Variants in CUBN observed in about 807,000 individuals in gnomAD.
CUBN encodes the protein cubilin.
In CUBN, 282 loss-of-function variants were observed where a neutral mutation model predicts 405.3. The ratio of observed to expected loss-of-function variants is 0.70; its 90% confidence interval spans 0.63 to 0.77. The LOEUF (loss-of-function observed/expected upper bound fraction) is 0.77, where lower values mean the gene tolerates loss of function less well. Ranked by LOEUF, CUBN falls within the 30% of genes least tolerant of loss-of-function variation. The pLI is 0.00. For synonymous variants in CUBN, 1,684 were observed against 1,617.0 expected (o/e 1.04, Z -0.99); for missense variants, 4,514 against 4,475.2 (o/e 1.01, Z -0.25).
At chr10:16,829,978 C>T (rs910937120) in intron 65 of CUBN, among the ~76,000 whole-genome samples, 1 of 151,886 alleles carries the variant, frequency 6.6e-6, no homozygotes, top group Non-Finnish European at 1.5e-5. Flanking sequence ...CTCCGTCACC[C>T]AGGCTGGAGT....
At chr10:16,918,583 C>A (rs780531598) in intron 45 of CUBN, 39 bp downstream of exon 45, 5 of 1,490,328 alleles carry the variant, frequency 3.4e-6, no homozygotes, top group Non-Finnish European at 4.6e-6. Context: ...TGCACATGTA[C>A]CCCTGAACCT....
chr10:17,051,307 G>A (rs979155723), intron 22 of CUBN, among the ~76,000 whole-genome samples: 7 of 152,096 alleles, frequency 4.6e-5, no homozygotes, highest in African/African-American at 1.7e-4. Flanking sequence ...CTTGCGGTGA[G>A]CCGAGATCAT....
At chr10:16,953,731 G>C (rs1346533420) in intron 32 of CUBN, among the ~76,000 whole-genome samples, 1 of 152,010 alleles carries the variant, frequency 6.6e-6, no homozygotes, top group Non-Finnish European at 1.5e-5. Flanking sequence ...TGCACCTATA[G>C]TCCCAGCTAC....
chr10:16,928,412 C>G, intron 40 of CUBN, 109 bp from the exon 41 acceptor site: 1 of 1,178,176 alleles, frequency 8.5e-7, no homozygotes, highest in East Asian at 2.4e-5. Flanking sequence ...AACATCAGGA[C>G]TCGTAGGAGA....
chr10:17,067,328 C>A (rs1300212260), intron 21 of CUBN, among the ~76,000 whole-genome samples: 1 of 152,008 alleles, frequency 6.6e-6, no homozygotes, highest in Non-Finnish European at 1.5e-5. Flanking sequence ...TAAAATGACT[C>A]AAATTGAACT....
At chr10:16,879,745 A>G (rs1411925635) in intron 56 of CUBN, among the ~76,000 whole-genome samples, 2 of 152,218 alleles carry the variant, frequency 1.3e-5, no homozygotes, top group Non-Finnish European at 2.9e-5. Flanking sequence ...AAATATAACA[A>G]CCAACTCTCC....
rs578220548 is a variant in CUBN at position 17,121,366 on chromosome 10, T to TA, written c.593+1428dup. On this transcript the variant is annotated intron_variant, in intron 6 of 66. Transcript: ENST00000377833. ...TTTAACATGGAATACTATGCAGCCA[T>TA]AAAAAAATGATGAGTTCATGTCCTT... Among the ~76,000 whole-genome samples, 526 of 151,908 alleles carry TA rather than the reference T, an allele frequency of 3.5e-3. 2 individuals are homozygous for TA. Among genetic ancestry groups the TA allele is most frequent in the African/African-American group, 0.012 (492 of 41,414 alleles).
chr10:16,975,993 A>G (rs1266607271), intron 31 of CUBN, among the ~76,000 whole-genome samples: 1 of 143,744 alleles, frequency 7.0e-6, no homozygotes, highest in African/African-American at 2.6e-5. Flanking sequence ...TTTTTAACAG[A>G]CAGGGTCTTG....
chr10:16,836,405 T>C, intron 62 of CUBN, 23 bp from the exon 63 acceptor site: 3 of 1,610,730 alleles, frequency 1.9e-6, no homozygotes, highest in African/African-American at 1.3e-5. Flanking sequence ...GGGAGCCAAA[T>C]CATGTTAGAT....
chr10:17,097,523 G>A (rs1457991346), intron 14 of CUBN, among the ~76,000 whole-genome samples: 1 of 151,796 alleles, frequency 6.6e-6, no homozygotes, highest in Non-Finnish European at 1.5e-5. Flanking sequence ...TAAAAAGAGA[G>A]GACACTTTTC....
intron 22 of CUBN, among the ~76,000 whole-genome samples, chr10:17,060,406 C>T (rs549041633): frequency 3.3e-4 from 50 of 152,142 alleles, no homozygotes; most frequent in African/African-American, 7.5e-4. Context: ...CAGGCATAAG[C>T]CACCCTGCCT....
chr10:17,065,649 C>G lies in CUBN; in HGVS notation c.3009-11G>C, dbSNP rs1835598470. On this transcript the variant is annotated splice_polypyrimidine_tract_variant and intron_variant, in intron 21 of 66. Coordinates refer to ENST00000377833, the MANE Select transcript of CUBN (RefSeq NM_001081.4). Reference sequence around the variant, plus strand: ...GACTTTCCACAGTATCTATTCCAAACCAAGAAAGGACAGATGTGTGTATTT... The same window carrying G: ...GACTTTCCACAGTATCTATTCCAAAGCAAGAAAGGACAGATGTGTGTATTT... 6.2e-7 allele frequency: 1 copy of G among 1,612,940 alleles called. No individual in the cohort carries two copies. Among genetic ancestry groups the G allele is most frequent in the Non-Finnish European group, 8.5e-7 (1 of 1,179,200 alleles).
At chr10:17,124,322 T>A (rs1193592373) in intron 4 of CUBN, among the ~76,000 whole-genome samples, 1 of 152,244 alleles carries the variant, frequency 6.6e-6, no homozygotes, top group African/African-American at 2.4e-5. Flanking sequence ...ACCTGGGGAA[T>A]CTGACCCTAT....
intron 17 of CUBN, among the ~76,000 whole-genome samples, chr10:17,082,389 C>A (rs189483524): frequency 8.5e-5 from 13 of 152,266 alleles, no homozygotes; most frequent in Admixed American, 7.8e-4. Flanking sequence ...CTTCCAAAGC[C>A]AGTTTTATGA....
intron 59 of CUBN, among the ~76,000 whole-genome samples, chr10:16,863,950 A>G (rs977180160): frequency 1.3e-5 from 2 of 152,224 alleles, no homozygotes; most frequent in African/African-American, 4.8e-5. Context: ...GTGATCCGGT[A>G]TTCCTAATTC....
chr10:16,825,332 A>T (rs1456582012), intron 66 of CUBN, among the ~76,000 whole-genome samples: 1 of 152,088 alleles, frequency 6.6e-6, no homozygotes, highest in Non-Finnish European at 1.5e-5. Flanking sequence ...TTTGGGGGGT[A>T]ATGAAAGTGT....
At chr10:16,864,399 G>T (rs1281431733) in intron 59 of CUBN, among the ~76,000 whole-genome samples, 1 of 152,100 alleles carries the variant, frequency 6.6e-6, no homozygotes, top group Non-Finnish European at 1.5e-5. Context: ...TGGGCGGGGG[G>T]CTTGAAAATT....
chr10:16,898,914 A>G, intron 54 of CUBN, 82 bp downstream of exon 54: 1 of 1,081,806 alleles, frequency 9.2e-7, no homozygotes, highest in Admixed American at 1.7e-5. Context: ...TCTTACTTTG[A>G]GCGACAATGA....
chr10:16,830,548 G>A (rs1373583364), intron 65 of CUBN, among the ~76,000 whole-genome samples: 2 of 152,098 alleles, frequency 1.3e-5, no homozygotes, highest in Non-Finnish European at 2.9e-5. Context: ...CTCCAGAACC[G>A]CCAAGAAATG....
Sources: allele counts gnomAD v4.1 joint callset (sites outside exome capture counted in the v4.1 genomes callset), GRCh38; gene constraint gnomAD v4.1.1; transcripts MANE v1.5; gene names NCBI Gene and HGNC (gene_info 2026-07-23, HGNC 2026-07-21).